Variants in PHEX observed in about 807,000 individuals in gnomAD.
The protein encoded by PHEX is phosphate regulating endopeptidase X-linked.
PHEX carries 16 observed loss-of-function variants against 68.0 expected under a neutral mutation model. The ratio of observed to expected loss-of-function variants is 0.24; its 90% confidence interval spans 0.16 to 0.36. The LOEUF (loss-of-function observed/expected upper bound fraction) is 0.36, where lower values mean the gene tolerates loss of function less well. Among genes scored for constraint, PHEX ranks in the 10% least tolerant of loss-of-function variants. PHEX has a pLI of 1.00. For synonymous variants in PHEX, 208 were observed against 205.1 expected (o/e 1.01, Z -0.12); for missense variants, 480 against 575.5 (o/e 0.83, Z 1.70).
intron 12 of PHEX, among the ~76,000 whole-genome samples, chrX:22,167,015 T>G (rs538416626): frequency 2.7e-5 from 3 of 112,354 alleles, no homozygotes; most frequent in African/African-American, 9.7e-5. Context: ...TATTCCATTG[T>G]GTACATATAC....
intron 12 of PHEX, among the ~76,000 whole-genome samples, chrX:22,148,306 A>G (rs1343220208): frequency 9.0e-6 from 1 of 111,485 alleles, no homozygotes; most frequent in African/African-American, 3.3e-5. Context: ...AAGAGAAAGC[A>G]GAAGCTGCCG....
At chrX:22,130,530 C>G (rs1931945420) in intron 11 of PHEX, among the ~76,000 whole-genome samples, 1 of 82,938 alleles carries the variant, frequency 1.2e-5, no homozygotes, top group Non-Finnish European at 2.2e-5. Flanking sequence ...GCCTGGGCGA[C>G]ACAGTCAGAC....
In PHEX at chrX:22,132,256, C is replaced by T. The variant is rs1932040496; in HGVS notation, c.1303-1267C>T. Among the ~76,000 whole-genome samples, 4 of 110,862 alleles carry T rather than the reference C, an allele frequency of 3.6e-5. No homozygotes were observed. The Admixed American group carries it at 3.9e-4, about 11-fold the overall frequency. On this transcript the variant is annotated intron_variant, in intron 11 of 21. Coordinates refer to ENST00000379374, the MANE Select transcript of PHEX (RefSeq NM_000444.6). ...CTAGGACTACAGGTGCAGGCGCCAC[C>T]ATGCCTGGCCTTTAAAAAATAATTT...
At chrX:22,095,536 T>G (rs1451822305) in intron 7 of PHEX, among the ~76,000 whole-genome samples, 1 of 112,060 alleles carries the variant, frequency 8.9e-6, no homozygotes, top group Non-Finnish European at 1.9e-5. Flanking sequence ...GGGCTCCAAC[T>G]TGGGGCTGTG....
intron 20 of PHEX, among the ~76,000 whole-genome samples, chrX:22,229,612 A>G (rs150980697): frequency 0.019 from 2,121 of 111,871 alleles, 48 homozygotes; most frequent in African/African-American, 0.065. Flanking sequence ...GTAAATTTGT[A>G]TAAGTTCTTT....
rs762398216 is a variant in PHEX, at chrX:22,234,322, C to A, written c.2070+6711C>A. On this transcript the variant is annotated intron_variant, in intron 20 of 21. Coordinates refer to ENST00000379374, the MANE Select transcript of PHEX (RefSeq NM_000444.6). ...CCCTTAGCAGAGCTCGACCACTGCG[C>A]TGGCTGTCAGGCAGGGACGTTTAAG... is the stretch of plus-strand genomic sequence containing the variant. 2.7e-5 allele frequency among the ~76,000 whole-genome samples: 3 copies of A among 112,845 alleles called. No individual in the cohort carries two copies. The South Asian group carries it at 1.1e-3, about 41-fold the overall frequency.
chrX:22,240,471 G>T (rs1421233299), intron 20 of PHEX, among the ~76,000 whole-genome samples: 1 of 111,799 alleles, frequency 8.9e-6, no homozygotes, highest in African/African-American at 3.3e-5. Context: ...AGACCCATCA[G>T]TGTGCTGTAT....
intron 3 of PHEX, among the ~76,000 whole-genome samples, chrX:22,063,575 T>C (rs1928468369): frequency 9.0e-6 from 1 of 111,665 alleles, no homozygotes; most frequent in Non-Finnish European, 1.9e-5. Flanking sequence ...GTCTGAAGGC[T>C]GCATAGCCCG....
intron 7 of PHEX, among the ~76,000 whole-genome samples, chrX:22,095,137 C>T (rs776739251): frequency 9.0e-6 from 1 of 111,161 alleles, no homozygotes; most frequent in Admixed American, 9.6e-5. Context: ...AGGAATTGGT[C>T]TCTCTCTCTT....
chrX:22,123,676 G>T, intron 11 of PHEX, among the ~76,000 whole-genome samples: 1 of 110,691 alleles, frequency 9.0e-6, no homozygotes, highest in African/African-American at 3.3e-5. Context: ...TACATGCCTA[G>T]TATAGTAGCT....
chrX:22,141,194 G>T (rs1004077577), intron 12 of PHEX, among the ~76,000 whole-genome samples: 26 of 111,583 alleles, frequency 2.3e-4, no homozygotes, highest in Non-Finnish European at 4.1e-4. Flanking sequence ...CTAGGCATCT[G>T]TACTTTAATC....
At chrX:22,191,227 C>T (rs1038446195) in intron 15 of PHEX, among the ~76,000 whole-genome samples, 1 of 111,227 alleles carries the variant, frequency 9.0e-6, no homozygotes, top group Non-Finnish European at 1.9e-5. Flanking sequence ...GGGGTTTTGA[C>T]ATGTTGACTA....
At chrX:22,092,749 CTTTTTT>C (rs370527485) in intron 6 of PHEX, among the ~76,000 whole-genome samples, 1,021 of 77,911 alleles carry the variant, frequency 0.013, 7 homozygotes, top group Middle Eastern at 0.018. Context: ...TTCTTTCTTT[CTTTTTT>C]TTTTTTTTTT....
Position 22,111,482 on chromosome X carries a change from T to C in PHEX, c.1095T>C (p.Tyr365=). 1.7e-6 allele frequency: 2 copies of C among 1,206,782 alleles called. 1 individual carries two copies. The change falls in exon 10 of 22, where the codon TAT becomes TAC. Residue 365 remains tyrosine (Y), a synonymous_variant. Transcript: ENST00000379374. ...GSERKKTIAN[Y]LVWRMVYSRI... ...CTGTTAACAGGACCATTGCCAACTA[T>C]TTGGTGTGGAGAATGGTTTATTCCA...
At chrX:22,063,627 G>A (rs111447525) in intron 3 of PHEX, among the ~76,000 whole-genome samples, 1 of 112,167 alleles carries the variant, frequency 8.9e-6, no homozygotes, top group Non-Finnish European at 1.9e-5. Context: ...CACCAGAAGC[G>A]TCGCGTCCAC....
At chrX:22,212,768 A>G (rs1934970131) in intron 15 of PHEX, 136 bp from the exon 16 acceptor site, 1 of 552,343 alleles carries the variant, frequency 1.8e-6, no homozygotes. Context: ...AGACAGCTAG[A>G]TCTCTTAGAG....
chrX:22,062,768 G>C (rs780957153), intron 3 of PHEX, among the ~76,000 whole-genome samples: 7 of 110,715 alleles, frequency 6.3e-5, no homozygotes, highest in Non-Finnish European at 1.1e-4. Flanking sequence ...TTGTTTGTTT[G>C]CTTGTTTTTT....
intron 14 of PHEX, among the ~76,000 whole-genome samples, chrX:22,187,510 G>C (rs1280173886): frequency 1.8e-5 from 2 of 111,632 alleles, no homozygotes; most frequent in Admixed American, 1.9e-4. Context: ...TGATTAGATT[G>C]AGCCTACCTG....
chrX:22,156,124 G>C (rs1340424260), intron 12 of PHEX, among the ~76,000 whole-genome samples: 3 of 111,871 alleles, frequency 2.7e-5, no homozygotes, highest in Non-Finnish European at 5.6e-5. Flanking sequence ...ACCTGCATGA[G>C]AGCTTACAGA....
Sources: gnomAD v4.1 joint callset for allele counts (sites outside exome capture counted in the v4.1 genomes callset) on GRCh38, gnomAD v4.1.1 for gene constraint, MANE v1.5 for transcripts, NCBI Gene and HGNC (gene_info 2026-07-23, HGNC 2026-07-21) for gene names.